Variants in MSRA observed in about 807,000 individuals in gnomAD.
MSRA encodes the protein mitochondrial peptide methionine sulfoxide reductase.
MSRA carries 54 observed loss-of-function variants against 31.3 expected under a neutral mutation model. That is an observed-to-expected ratio of 1.73 (90% CI 1.39 to 2.17). The LOEUF (loss-of-function observed/expected upper bound fraction) is 2.17, where lower values mean the gene tolerates loss of function less well. MSRA is among the 30% of genes most tolerant of loss of function. The pLI, the probability that MSRA is intolerant of heterozygous loss-of-function variation, is 0.00. For synonymous variants in MSRA, 169 were observed against 116.5 expected, an observed-to-expected ratio of 1.45 and a Z score of -2.90; for missense variants, 507 against 300.9, an observed-to-expected ratio of 1.69 and a Z score of -5.07.
At chr8:10,360,907 C>A (rs1804809484) in intron 5 of MSRA, among the ~76,000 whole-genome samples, 1 of 152,210 alleles carries the variant, frequency 6.6e-6, no homozygotes, top group Non-Finnish European at 1.5e-5. Context: ...CAGAGTGGAA[C>A]ATACTTGGGC....
chr8:10,260,249 T>A (rs11782000), intron 3 of MSRA, among the ~76,000 whole-genome samples: 88,533 of 151,908 alleles, frequency 0.58, 26,017 homozygotes, highest in Non-Finnish European at 0.64. Context: ...CCACTTCTGG[T>A]TGAGGGATCT....
intron 5 of MSRA, among the ~76,000 whole-genome samples, chr8:10,365,098 C>T (rs1277981681): frequency 1.4e-5 from 2 of 142,672 alleles, no homozygotes; most frequent in East Asian, 4.1e-4. Flanking sequence ...AAGCTTTTCT[C>T]TGTGCTGACT....
intron 1 of MSRA, among the ~76,000 whole-genome samples, chr8:10,146,645 G>T (rs540321793): frequency 3.3e-5 from 5 of 152,118 alleles, no homozygotes; most frequent in Non-Finnish European, 7.3e-5. Context: ...AAAAGCCATC[G>T]GATTGTATAC....
intron 2 of MSRA, among the ~76,000 whole-genome samples, chr8:10,227,413 T>C (rs1306731081): frequency 6.6e-6 from 1 of 152,090 alleles, no homozygotes; most frequent in Non-Finnish European, 1.5e-5. Context: ...AGAGGGTAAT[T>C]TGAGCTTTGA....
intron 1 of MSRA, among the ~76,000 whole-genome samples, chr8:10,087,586 A>C (rs547635991): frequency 6.6e-6 from 1 of 152,354 alleles, no homozygotes; most frequent in South Asian, 2.1e-4. Flanking sequence ...GAAATGGTCC[A>C]TAACTCATTT....
intron 1 of MSRA, among the ~76,000 whole-genome samples, chr8:10,171,428 A>G (rs539080200): frequency 4.5e-4 from 66 of 146,438 alleles, no homozygotes; most frequent in African/African-American, 1.7e-3. Context: ...ATTTTCTTGT[A>G]TTTGTAGCAG....
intron 3 of MSRA, among the ~76,000 whole-genome samples, chr8:10,254,683 C>G (rs1321498059): frequency 3.9e-5 from 6 of 152,226 alleles, no homozygotes; most frequent in Admixed American, 3.9e-4. Context: ...GAGGTTTTGA[C>G]AATCTCCGCT....
At chr8:10,164,305 T>A (rs1804928268) in intron 1 of MSRA, among the ~76,000 whole-genome samples, 1 of 152,166 alleles carries the variant, frequency 6.6e-6, no homozygotes, top group Admixed American at 6.5e-5. Flanking sequence ...TGTAAATCCT[T>A]CCTAGGTGAA....
chr8:10,255,874 C>A (rs1437127243), intron 3 of MSRA, among the ~76,000 whole-genome samples: 1 of 151,946 alleles, frequency 6.6e-6, no homozygotes, highest in Non-Finnish European at 1.5e-5. Flanking sequence ...TTTAGGTTCA[C>A]AGCAAAACTG....
intron 1 of MSRA, among the ~76,000 whole-genome samples, chr8:10,147,760 C>G (rs1029718182): frequency 1.3e-5 from 2 of 152,198 alleles, no homozygotes; most frequent in Non-Finnish European, 2.9e-5. Flanking sequence ...AGGATTCCTG[C>G]ATTCTCCTAG....
At chr8:10,253,376 A>G (rs1324169142) in intron 3 of MSRA, among the ~76,000 whole-genome samples, 1 of 152,222 alleles carries the variant, frequency 6.6e-6, no homozygotes, top group Non-Finnish European at 1.5e-5. Flanking sequence ...CTCTCCTTGA[A>G]CAGCTTAAAT....
At chr8:10,239,570 G>A (rs1289928259) in intron 2 of MSRA, among the ~76,000 whole-genome samples, 2 of 152,190 alleles carry the variant, frequency 1.3e-5, no homozygotes, top group Non-Finnish European at 2.9e-5. Flanking sequence ...CTTATAGGAC[G>A]ATTGTACCTG....
At chr8:10,277,543 G>C (rs773442068) in intron 3 of MSRA, among the ~76,000 whole-genome samples, 1 of 152,146 alleles carries the variant, frequency 6.6e-6, no homozygotes, top group Non-Finnish European at 1.5e-5. Context: ...ACTGGGTCTG[G>C]TTCCAATACA....
At chr8:10,388,945 C>G (rs1180310739) in intron 5 of MSRA, among the ~76,000 whole-genome samples, 1 of 152,056 alleles carries the variant, frequency 6.6e-6, no homozygotes, top group African/African-American at 2.4e-5. Context: ...AAGAGCTTGT[C>G]TCCAGTTGAG....
rs540001171 is a variant in MSRA at position 10,084,045 on chromosome 8, G to A, written c.142+29387G>A. Among the ~76,000 whole-genome samples, 18 of 152,286 alleles carry A rather than the reference G, an allele frequency of 1.2e-4. No individual in the cohort carries two copies. The South Asian group carries it at 3.5e-3, about 30-fold the overall frequency. ...ATGTTTTGGAAGTGAAATGTGCAAG[G>A]ACTTGTGCAGTGTCACATCTTAAGA... On this transcript the variant is annotated intron_variant, in intron 1 of 5. Transcript: ENST00000317173.
At chr8:10,230,179 G>C (rs1811345542) in intron 2 of MSRA, among the ~76,000 whole-genome samples, 1 of 152,224 alleles carries the variant, frequency 6.6e-6, no homozygotes, top group African/African-American at 2.4e-5. Context: ...TGCAGAGAGG[G>C]GGTTACAGGG....
intron 5 of MSRA, among the ~76,000 whole-genome samples, chr8:10,347,301 G>A (rs1015746413): frequency 6.6e-6 from 1 of 152,080 alleles, no homozygotes; most frequent in Non-Finnish European, 1.5e-5. Context: ...TCCACTCCCT[G>A]GTCTGCATTT....
chr8:10,261,863 A>G (rs1299821925), intron 3 of MSRA, among the ~76,000 whole-genome samples: 1 of 152,186 alleles, frequency 6.6e-6, no homozygotes, highest in Non-Finnish European at 1.5e-5. Flanking sequence ...CCACCTGTTC[A>G]TCTCTCCACC....
intron 5 of MSRA, among the ~76,000 whole-genome samples, chr8:10,401,668 A>C (rs1454973960): frequency 1.7e-5 from 2 of 120,554 alleles, no homozygotes; most frequent in Non-Finnish European, 3.6e-5. Flanking sequence ...AGTGCCCGTC[A>C]TCAGATGAAT....
Sources: gnomAD v4.1 joint callset for allele counts (sites outside exome capture counted in the v4.1 genomes callset) on GRCh38, gnomAD v4.1.1 for gene constraint, MANE v1.5 for transcripts, NCBI Gene and HGNC (gene_info 2026-07-23, HGNC 2026-07-21) for gene names.